The following ZSWIM6 variants were observed in gnomAD, a reference collection of about 807,000 sequenced individuals.
ZSWIM6 encodes the protein zinc finger SWIM domain-containing protein 6.
In ZSWIM6, 9 loss-of-function variants were observed where a neutral mutation model predicts 113.2. That is an observed-to-expected ratio of 0.08 (90% CI 0.05 to 0.14). ZSWIM6 has a LOEUF of 0.14. Among genes scored for constraint, ZSWIM6 ranks in the 10% least tolerant of loss-of-function variants. ZSWIM6 has a pLI of 1.00. For synonymous variants in ZSWIM6, 611 were observed against 606.5 expected (o/e 1.01, Z -0.11); for missense variants, 1,162 against 1,552.2 (o/e 0.75, Z 4.22).
chr5:61,483,908 T>C (rs1747946745), intron 2 of ZSWIM6, among the ~76,000 whole-genome samples: 2 of 150,370 alleles, frequency 1.3e-5, no homozygotes, highest in South Asian at 4.2e-4. Flanking sequence ...TAAAATAAAA[T>C]AAATATATAT....
At chr5:61,441,613 A>G (rs1210642087) in intron 1 of ZSWIM6, among the ~76,000 whole-genome samples, 1 of 152,202 alleles carries the variant, frequency 6.6e-6, no homozygotes, top group Non-Finnish European at 1.5e-5. Context: ...AATTGGTTAA[A>G]TGACACAGCC....
intron 5 of ZSWIM6, among the ~76,000 whole-genome samples, chr5:61,524,390 T>C (rs990099496): frequency 3.9e-5 from 6 of 152,210 alleles, no homozygotes; most frequent in African/African-American, 1.2e-4. Flanking sequence ...CATTTTGATA[T>C]GTCTACCATT....
At chr5:61,399,393 A>G (rs1579976230) in intron 1 of ZSWIM6, among the ~76,000 whole-genome samples, 1 of 152,248 alleles carries the variant, frequency 6.6e-6, no homozygotes, top group Admixed American at 6.5e-5. Context: ...ACATACTGAA[A>G]TCTCCTCTTT....
At chr5:61,435,790 AT>A (rs1475756416) in intron 1 of ZSWIM6, among the ~76,000 whole-genome samples, 1 of 151,768 alleles carries the variant, frequency 6.6e-6, no homozygotes, top group Non-Finnish European at 1.5e-5. Flanking sequence ...GAGAGCTTAG[AT>A]TTTTTTTTAA....
In ZSWIM6 at chr5:61,538,832, T is replaced by A; in HGVS notation, c.2400T>A (p.Ser800=). ...ATTATAGGTTACTAGTATTGGAATC[T>A]ACTGCTCCATCAGGAGACCTCACCC... ...LRAMRLLVLE[S]TAPSGDLTRP... The change falls in exon 11 of 14, where the codon TCT becomes TCA. Residue 800 remains serine, a synonymous_variant. Coordinates refer to ENST00000252744, the MANE Select transcript of ZSWIM6 (RefSeq NM_020928.2). 1 of 1,551,936 alleles carries A rather than the reference T, an allele frequency of 6.4e-7. No homozygotes were observed. Among genetic ancestry groups the A allele is most frequent in the African/African-American group, 1.4e-5 (1 of 73,138 alleles).
At chr5:61,411,385 A>G (rs1746145482) in intron 1 of ZSWIM6, among the ~76,000 whole-genome samples, 1 of 152,172 alleles carries the variant, frequency 6.6e-6, no homozygotes, top group African/African-American at 2.4e-5. Flanking sequence ...AAGTCTTGAT[A>G]TTAGTGAAGA....
intron 2 of ZSWIM6, among the ~76,000 whole-genome samples, chr5:61,489,818 C>G (rs1028191890): frequency 1.3e-5 from 2 of 151,974 alleles, no homozygotes; most frequent in African/African-American, 2.4e-5. Context: ...TTCAGGCAGG[C>G]TCAGGGATCC....
At chr5:61,494,489 G>A (rs187002951) in intron 4 of ZSWIM6, 79 bp downstream of exon 4, 512 of 1,507,012 alleles carry the variant, frequency 3.4e-4, no homozygotes, top group Non-Finnish European at 4.4e-4. Flanking sequence ...GAACATGGTC[G>A]TAGTATTGCT....
At chr5:61,535,410 T>A in intron 9 of ZSWIM6, 74 bp from the exon 10 acceptor site, 1 of 1,498,728 alleles carries the variant, frequency 6.7e-7, no homozygotes. Context: ...TATGTGACAT[T>A]TTAACAATAT....
intron 1 of ZSWIM6, among the ~76,000 whole-genome samples, chr5:61,427,628 G>C (rs1402734958): frequency 6.6e-6 from 1 of 152,106 alleles, no homozygotes; most frequent in Non-Finnish European, 1.5e-5. Context: ...ACAGGCACAA[G>C]CCACTGTGCC....
chr5:61,534,505 T>C (rs1415112192), intron 9 of ZSWIM6, among the ~76,000 whole-genome samples: 6 of 152,164 alleles, frequency 3.9e-5, no homozygotes, highest in African/African-American at 1.4e-4. Flanking sequence ...AAAACAAATA[T>C]AGCATGTCCT....
intron 12 of ZSWIM6, among the ~76,000 whole-genome samples, chr5:61,540,815 A>T (rs1749707145): frequency 1.3e-5 from 2 of 152,122 alleles, no homozygotes; most frequent in East Asian, 1.9e-4. Flanking sequence ...TCTTTCTAGA[A>T]CCTAAGAAGG....
chr5:61,389,691 C>T (rs1384186502), intron 1 of ZSWIM6, among the ~76,000 whole-genome samples: 2 of 151,530 alleles, frequency 1.3e-5, no homozygotes, highest in African/African-American at 4.9e-5. Context: ...TCTCAGAATA[C>T]AATTTTGACA....
At chr5:61,403,120 G>C (rs1745973087) in intron 1 of ZSWIM6, among the ~76,000 whole-genome samples, 1 of 152,196 alleles carries the variant, frequency 6.6e-6, no homozygotes, top group Non-Finnish European at 1.5e-5. Flanking sequence ...ATCTGATTTA[G>C]AAGAAACAAA....
intron 1 of ZSWIM6, among the ~76,000 whole-genome samples, chr5:61,407,887 T>G (rs959024955): frequency 1.3e-5 from 2 of 152,222 alleles, no homozygotes; most frequent in Non-Finnish European, 2.9e-5. Flanking sequence ...ATAGGCATCC[T>G]CCTGCACTGC....
At chr5:61,515,518 A>G (rs937331368) in intron 4 of ZSWIM6, among the ~76,000 whole-genome samples, 1 of 152,056 alleles carries the variant, frequency 6.6e-6, no homozygotes, top group African/African-American at 2.4e-5. Context: ...TCATCCTTTT[A>G]TCAGAAACCT....
At chr5:61,408,924 C>T (rs986716896) in intron 1 of ZSWIM6, among the ~76,000 whole-genome samples, 2 of 152,038 alleles carry the variant, frequency 1.3e-5, no homozygotes, top group Non-Finnish European at 2.9e-5. Context: ...CAGGATGGGG[C>T]GAGGCCTGCG....
chr5:61,407,067 C>T (rs1746058110), intron 1 of ZSWIM6, among the ~76,000 whole-genome samples: 1 of 152,146 alleles, frequency 6.6e-6, no homozygotes, highest in South Asian at 2.1e-4. Flanking sequence ...AACACAGTTC[C>T]CCAAATCTGA....
chr5:61,510,203 A>G (rs1370710987), intron 4 of ZSWIM6, among the ~76,000 whole-genome samples: 1 of 151,606 alleles, frequency 6.6e-6, no homozygotes, highest in Non-Finnish European at 1.5e-5. Context: ...ATAAAACAAT[A>G]AGTGTGTGAG....
Sources: allele counts gnomAD v4.1 joint callset (sites outside exome capture counted in the v4.1 genomes callset), GRCh38; gene constraint gnomAD v4.1.1; transcripts MANE v1.5; gene names NCBI Gene and HGNC (gene_info 2026-07-23, HGNC 2026-07-21).